The following IL12RB2 variants were observed in gnomAD, a reference collection of about 807,000 sequenced individuals.
IL12RB2 encodes the protein interleukin-12 receptor subunit beta-2.
A neutral mutation model predicts 89.4 loss-of-function variants in IL12RB2; 82 were observed. The ratio of observed to expected loss-of-function variants is 0.92; its 90% confidence interval spans 0.77 to 1.10. The LOEUF is 1.10. Among genes scored for constraint, IL12RB2 ranks in the 50% least tolerant of loss-of-function variants. The pLI is 0.00. For synonymous variants in IL12RB2, 368 were observed against 370.1 expected (o/e 0.99, Z 0.07); for missense variants, 963 against 1,031.9 (o/e 0.93, Z 0.92).
At chr1:67,332,391 AT>A (rs1205289610) in intron 8 of IL12RB2, among the ~76,000 whole-genome samples, 11 of 151,712 alleles carry the variant, frequency 7.3e-5, no homozygotes, top group Non-Finnish European at 1.5e-5. Context: ...AATTTTTGTT[AT>A]TTTCAGTAGA....
chr1:67,324,149 G>A (rs1177383894), intron 4 of IL12RB2, among the ~76,000 whole-genome samples: 1 of 152,172 alleles, frequency 6.6e-6, no homozygotes, highest in African/African-American at 2.4e-5. Context: ...TATACACTGT[G>A]TAAATATATA....
At chr1:67,360,382 G>C (rs939517799) in intron 10 of IL12RB2, among the ~76,000 whole-genome samples, 1 of 150,280 alleles carries the variant, frequency 6.7e-6, no homozygotes, top group African/African-American at 2.5e-5. Flanking sequence ...CCGGGTGACA[G>C]AGCAAGACTG....
At chr1:67,393,742 A>G (rs1666075309) in intron 16 of IL12RB2, among the ~76,000 whole-genome samples, 1 of 151,966 alleles carries the variant, frequency 6.6e-6, no homozygotes, top group African/African-American at 2.4e-5. Context: ...TCCAGACCAA[A>G]CCCCTCTTGC....
Position 67,321,789 on chromosome 1 carries a change from A to T in IL12RB2, c.264A>T (p.Gln88His), listed in dbSNP as rs2100601057. 1.2e-6 allele frequency: 2 copies of T among 1,610,810 alleles called. No individual in the cohort carries two copies. Among genetic ancestry groups the T allele is most frequent in the East Asian group, 4.5e-5 (2 of 44,860 alleles). The part of the protein sequence containing the change: ...NFHHGHSLNS[Q>H]VTGLPLGTTL... ...ACCATGGCCACTCCCTCAATTCTCA[A>T]GTCACAGGTCTTCCCCTTGGTACAA... The change falls in exon 4 of 17, where the codon CAA (glutamine) becomes CAT (histidine). Residue 88 changes from glutamine (Q) to histidine (H), a missense_variant. Physicochemically the swap from Gln to His is conservative, Grantham distance 24. Coordinates refer to ENST00000674203, the MANE Select transcript of IL12RB2 (RefSeq NM_001374259.2).
At chr1:67,310,278 G>GT (rs1654868955) in intron 1 of IL12RB2, among the ~76,000 whole-genome samples, 1 of 149,834 alleles carries the variant, frequency 6.7e-6, no homozygotes, top group Non-Finnish European at 1.5e-5. Flanking sequence ...CTTCGCTAGT[G>GT]TAACAGTGGT....
At chr1:67,389,883 A>G in intron 15 of IL12RB2, 146 bp from the exon 16 acceptor site, 2 of 664,766 alleles carry the variant, frequency 3.0e-6, no homozygotes, top group South Asian at 1.5e-5. Context: ...GTAGTCTTGG[A>G]TGATAAATCA....
intron 10 of IL12RB2, among the ~76,000 whole-genome samples, chr1:67,364,948 A>T (rs576799038): frequency 4.6e-5 from 7 of 152,362 alleles, no homozygotes; most frequent in Admixed American, 4.6e-4. Context: ...AATAGATATC[A>T]TGCAATGTCC....
chr1:67,350,985 C>CA lies in IL12RB2; in HGVS notation c.1155dup (p.Val386SerfsTer4), dbSNP rs777989129. 26 of 1,614,004 alleles carry CA rather than the reference C, an allele frequency of 1.6e-5. No homozygotes were observed. Among genetic ancestry groups the CA allele is most frequent in the Non-Finnish European group, 2.1e-5 (25 of 1,180,004 alleles). ...ATCACAGGACACACCTCCTGGACCACAGTCATTCCTAGAACCGGAAATTGG... is the reference window on the plus strand; with the variant it reads ...ATCACAGGACACACCTCCTGGACCACAAGTCATTCCTAGAACCGGAAATTGG... On this transcript the variant is annotated frameshift_variant, in exon 10 of 17. Transcript: ENST00000674203. LOFTEE classifies it high-confidence loss of function.
chr1:67,371,603 AT>A (rs1663314205), intron 11 of IL12RB2, among the ~76,000 whole-genome samples: 1 of 152,188 alleles, frequency 6.6e-6, no homozygotes, highest in African/African-American at 2.4e-5. Context: ...CAGGAGAGGT[AT>A]CTATGAAAGG....
intron 10 of IL12RB2, among the ~76,000 whole-genome samples, chr1:67,351,848 C>A (rs996538590): frequency 6.6e-6 from 1 of 152,076 alleles, no homozygotes; most frequent in African/African-American, 2.4e-5. Flanking sequence ...CACAATTAGG[C>A]AAGGAAATTG....
intron 9 of IL12RB2, among the ~76,000 whole-genome samples, chr1:67,344,110 A>G (rs1659958933): frequency 6.6e-6 from 1 of 152,086 alleles, no homozygotes; most frequent in Non-Finnish European, 1.5e-5. Context: ...CTAGTGGAGC[A>G]GGGGAGTGGT....
intron 10 of IL12RB2, among the ~76,000 whole-genome samples, chr1:67,367,163 C>CAG (rs1250684400): frequency 6.6e-6 from 1 of 151,908 alleles, no homozygotes; most frequent in African/African-American, 2.4e-5. Flanking sequence ...GAGGCCGAGG[C>CAG]AGGAGGGTCA....
intron 10 of IL12RB2, among the ~76,000 whole-genome samples, chr1:67,357,525 A>G (rs186756679): frequency 6.6e-6 from 1 of 152,354 alleles, no homozygotes; most frequent in East Asian, 1.9e-4. Flanking sequence ...TACTTTGTCT[A>G]TTTAGAAAAC....
At chr1:67,331,932 T>G (rs1330817920) in intron 8 of IL12RB2, among the ~76,000 whole-genome samples, 1 of 152,218 alleles carries the variant, frequency 6.6e-6, no homozygotes, top group Non-Finnish European at 1.5e-5. Flanking sequence ...AGAAAAACTT[T>G]TTGGCATATA....
At chr1:67,350,736 G>A (rs900122984) in intron 9 of IL12RB2, 134 bp from the exon 10 acceptor site, 2 of 1,526,420 alleles carry the variant, frequency 1.3e-6, no homozygotes, top group African/African-American at 2.8e-5. Flanking sequence ...TGTGTAGCAG[G>A]GAACATGAGA....
chr1:67,366,912 T>C (rs1484772775), intron 10 of IL12RB2, among the ~76,000 whole-genome samples: 3 of 152,084 alleles, frequency 2.0e-5, no homozygotes, highest in African/African-American at 7.2e-5. Flanking sequence ...CAGAAACATG[T>C]TGAGTGAAAA....
chr1:67,325,852 G>A (rs1657212208), intron 4 of IL12RB2, among the ~76,000 whole-genome samples: 1 of 152,182 alleles, frequency 6.6e-6, no homozygotes, highest in Non-Finnish European at 1.5e-5. Context: ...AGGGTAAAAT[G>A]GGATGACTGA....
intron 13 of IL12RB2, among the ~76,000 whole-genome samples, chr1:67,377,894 G>A (rs899709487): frequency 2.0e-5 from 3 of 152,172 alleles, no homozygotes; most frequent in Non-Finnish European, 2.9e-5. Context: ...CGGAGGCTGA[G>A]GCAGGCGGAT....
At chr1:67,315,323 T>C (rs968298855) in intron 2 of IL12RB2, among the ~76,000 whole-genome samples, 1 of 152,182 alleles carries the variant, frequency 6.6e-6, no homozygotes, top group Non-Finnish European at 1.5e-5. Flanking sequence ...ATTTGGAGAA[T>C]GTTATAGCTT....
Sources: allele counts gnomAD v4.1 joint callset (sites outside exome capture counted in the v4.1 genomes callset), GRCh38; gene constraint gnomAD v4.1.1; transcripts MANE v1.5; gene names NCBI Gene and HGNC (gene_info 2026-07-23, HGNC 2026-07-21).